The following RSU1 variants were observed in gnomAD, a reference collection of about 807,000 sequenced individuals.
RSU1 encodes the protein rsu-1.
In RSU1, 26 loss-of-function variants were observed where a neutral mutation model predicts 31.1. That is an observed-to-expected ratio of 0.84 (90% CI 0.61 to 1.16). The LOEUF is 1.16. Among genes scored for constraint, RSU1 ranks in the 50% most tolerant of loss-of-function variants. RSU1 has a pLI of 0.00. For synonymous variants in RSU1, 164 were observed against 136.3 expected (o/e 1.20, Z -1.41); for missense variants, 320 against 339.1 (o/e 0.94, Z 0.44).
intron 4 of RSU1, among the ~76,000 whole-genome samples, chr10:16,762,015 G>A (rs1837219717): frequency 6.6e-6 from 1 of 152,014 alleles, no homozygotes; most frequent in Non-Finnish European, 1.5e-5. Flanking sequence ...GTGCTCCCCG[G>A]TCTTGCTGTT....
intron 8 of RSU1, among the ~76,000 whole-genome samples, chr10:16,617,921 G>C (rs1027165055): frequency 1.1e-4 from 16 of 152,160 alleles, no homozygotes; most frequent in Non-Finnish European, 2.1e-4. Context: ...ACATAGGCAT[G>C]GGCAAAGACT....
At chr10:16,682,223 G>A (rs1168232756) in intron 8 of RSU1, among the ~76,000 whole-genome samples, 7 of 152,232 alleles carry the variant, frequency 4.6e-5, no homozygotes, top group African/African-American at 1.7e-4. Flanking sequence ...AGAGGCGTTC[G>A]AACCAGAGTG....
intron 2 of RSU1, among the ~76,000 whole-genome samples, chr10:16,795,861 A>C (rs1838018718): frequency 6.6e-6 from 1 of 152,192 alleles, no homozygotes; most frequent in South Asian, 2.1e-4. Flanking sequence ...CAGGTGAGGC[A>C]CCGGCACCCT....
intron 3 of RSU1, among the ~76,000 whole-genome samples, chr10:16,765,311 G>A (rs1837291706): frequency 6.6e-6 from 1 of 151,986 alleles, no homozygotes; most frequent in Non-Finnish European, 1.5e-5. Context: ...TTTGGCCTCT[G>A]GAGTAATTTA....
chr10:16,597,955 CAGGG>C (rs1833649684), intron 8 of RSU1, among the ~76,000 whole-genome samples: 1 of 152,228 alleles, frequency 6.6e-6, no homozygotes, highest in Non-Finnish European at 1.5e-5. Flanking sequence ...GCCGTTTTCA[CAGGG>C]ATGTGGCTAT....
chr10:16,716,980 T>A (rs529499200), intron 7 of RSU1, among the ~76,000 whole-genome samples: 1 of 152,324 alleles, frequency 6.6e-6, no homozygotes, highest in East Asian at 1.9e-4. Flanking sequence ...TTTCAGCCAA[T>A]AGGACAAATA....
At chr10:16,629,472 G>T (rs1043639808) in intron 8 of RSU1, among the ~76,000 whole-genome samples, 1 of 152,158 alleles carries the variant, frequency 6.6e-6, no homozygotes, top group Non-Finnish European at 1.5e-5. Context: ...AGGGGAGGGA[G>T]AATTGAGGTC....
chr10:16,688,863 C>T (rs950495648), intron 8 of RSU1, among the ~76,000 whole-genome samples: 2 of 147,748 alleles, frequency 1.4e-5, no homozygotes, highest in African/African-American at 5.3e-5. Flanking sequence ...AGAAAACTAG[C>T]CAGGCGTTGT....
chr10:16,626,940 T>A (rs943157764), intron 8 of RSU1, among the ~76,000 whole-genome samples: 1 of 152,226 alleles, frequency 6.6e-6, no homozygotes, highest in Non-Finnish European at 1.5e-5. Context: ...GAAAATCCTG[T>A]TTACAAATAT....
intron 8 of RSU1, among the ~76,000 whole-genome samples, chr10:16,652,392 C>CAAAAAAAA (rs71505091): frequency 3.5e-4 from 31 of 89,076 alleles, no homozygotes; most frequent in East Asian, 6.9e-4. Flanking sequence ...TGCCCCAAAG[C>CAAAAAAAA]AAAAAAAAAA....
intron 7 of RSU1, among the ~76,000 whole-genome samples, chr10:16,750,929 G>A (rs576574434): frequency 1.4e-4 from 21 of 148,900 alleles, no homozygotes; most frequent in Middle Eastern, 3.4e-3. Context: ...GCAGTGGCAC[G>A]ATCACTGCTC....
intron 3 of RSU1, among the ~76,000 whole-genome samples, chr10:16,773,027 C>T (rs954574152): frequency 4.0e-5 from 6 of 151,878 alleles, no homozygotes; most frequent in African/African-American, 9.7e-5. Flanking sequence ...GGCAACAGGG[C>T]GAAACCCCAC....
chr10:16,656,388 A>C (rs1346584263), intron 8 of RSU1, among the ~76,000 whole-genome samples: 1 of 152,212 alleles, frequency 6.6e-6, no homozygotes, highest in African/African-American at 2.4e-5. Flanking sequence ...TTATTTACTT[A>C]ATCAATCAAA....
intron 7 of RSU1, among the ~76,000 whole-genome samples, chr10:16,706,047 G>T (rs1180483066): frequency 6.6e-6 from 1 of 152,192 alleles, no homozygotes; most frequent in Non-Finnish European, 1.5e-5. Context: ...ATCTGTTGAT[G>T]TACACGTGTG....
At chr10:16,772,254 A>G (rs561386512) in intron 3 of RSU1, among the ~76,000 whole-genome samples, 1 of 152,358 alleles carries the variant, frequency 6.6e-6, no homozygotes, top group South Asian at 2.1e-4. Context: ...CTGAGCTATA[A>G]AAAGTATGTA....
intron 8 of RSU1, among the ~76,000 whole-genome samples, chr10:16,662,089 A>AAAT (rs1187986473): frequency 1.3e-5 from 2 of 152,214 alleles, no homozygotes; most frequent in Non-Finnish European, 2.9e-5. Context: ...GAGATGGTTA[A>AAAT]AATTAGTTGA....
chr10:16,760,872 A>G (rs1837199745), intron 4 of RSU1, among the ~76,000 whole-genome samples: 1 of 152,106 alleles, frequency 6.6e-6, no homozygotes, highest in Non-Finnish European at 1.5e-5. Context: ...AAATATGACC[A>G]TATCTCCTAT....
At chr10:16,735,585 A>G (rs576188018) in intron 7 of RSU1, among the ~76,000 whole-genome samples, 42 of 152,324 alleles carry the variant, frequency 2.8e-4, no homozygotes. Context: ...CCAAGACTAC[A>G]TAATTTATAA....
intron 8 of RSU1, among the ~76,000 whole-genome samples, chr10:16,606,803 C>A (rs775805963): frequency 6.6e-6 from 1 of 152,162 alleles, no homozygotes; most frequent in African/African-American, 2.4e-5. Flanking sequence ...TCTTGTTTTA[C>A]GATAAGGACA....
Sources: allele counts gnomAD v4.1 joint callset (sites outside exome capture counted in the v4.1 genomes callset), GRCh38; gene constraint gnomAD v4.1.1; transcripts MANE v1.5; gene names NCBI Gene and HGNC (gene_info 2026-07-23, HGNC 2026-07-21).